Variants in BBX observed in about 807,000 individuals in gnomAD.
BBX encodes BBX high mobility group box domain containing, also known as HMG box transcription factor BBX.
Under a neutral mutation model 100.2 loss-of-function variants are expected in BBX, and 30 were observed. The ratio of observed to expected loss-of-function variants is 0.30; its 90% CI spans 0.22 to 0.41. The LOEUF (loss-of-function observed/expected upper bound fraction) is 0.41, where lower values mean the gene tolerates loss of function less well. Among genes scored for constraint, BBX ranks in the 10% least tolerant of loss-of-function variants. The pLI, the probability that BBX is intolerant of heterozygous loss-of-function variation, is 1.00. For missense variants in BBX, 1,023 were observed against 1,129.8 expected, an observed-to-expected ratio of 0.91 and a Z score of 1.35; for synonymous variants, 376 against 388.1, an observed-to-expected ratio of 0.97 and a Z score of 0.37.
At position 107,808,769 on chromosome 3, in the gene BBX, C is replaced by T. The variant is rs897401015; in HGVS notation, c.*3312C>T. 1 of 152,196 alleles carries T rather than the reference C, an allele frequency of 6.6e-6. No homozygotes were observed. Among genetic ancestry groups the T allele is most frequent in the African/African-American group, 2.4e-5 (1 of 41,448 alleles). 9.4% of individuals were successfully genotyped at this position (152,196 alleles called of 1,614,324 possible). A position where few individuals can be genotyped will look rare whatever the true frequency, so the allele number is the denominator to read the frequency against. On this transcript the variant is annotated 3_prime_UTR_variant, in exon 18 of 18. Transcript: ENST00000325805. ...GATCAAAACTGTTAATTCATTAAAA[C>T]CCCTTTTAAAAGGTAAATTCTACTG... is the stretch of plus-strand genomic sequence containing the variant.
At chr3:107,793,840 G>A (rs1438125878) in intron 15 of BBX, among the ~76,000 whole-genome samples, 4 of 151,926 alleles carry the variant, frequency 2.6e-5, no homozygotes, top group African/African-American at 9.7e-5. Context: ...CTGTGTACAG[G>A]CACCTTGCAA....
At position 107,778,385 on chromosome 3, in the gene BBX, A is replaced by G; in HGVS notation, c.2069A>G (p.Asp690Gly). ...EDCLLGSAKL[D>G]EEFEKKFNSL... ...CCTTTTAATAGCTCCGCAAAGCTGG[A>G]TGAAGAATTTGAAAAAAAATTCAAC... Residue 690 changes from aspartate to glycine, a missense_variant, in exon 13 of 18, where the codon GAT becomes GGT. Around this residue, in one of 9 missense-constraint regions of BBX, gnomAD observed 215 missense variants for 211.3 expected, o/e 1.02. Coordinates refer to ENST00000325805, the MANE Select transcript of BBX (RefSeq NM_001142568.3). 1 of 1,613,288 alleles carries G rather than the reference A, an allele frequency of 6.2e-7. No homozygotes were observed. Among genetic ancestry groups the G allele is most frequent in the Non-Finnish European group, 8.5e-7 (1 of 1,179,480 alleles).
intron 2 of BBX, among the ~76,000 whole-genome samples, chr3:107,581,625 C>T (rs1170857254): frequency 1.3e-5 from 2 of 151,996 alleles, no homozygotes; most frequent in Non-Finnish European, 2.9e-5. Flanking sequence ...GTGCTGTGGG[C>T]ATCAGCTGAT....
At chr3:107,583,044 A>G (rs2052403033) in intron 2 of BBX, among the ~76,000 whole-genome samples, 2 of 151,740 alleles carry the variant, frequency 1.3e-5, no homozygotes, top group South Asian at 2.1e-4. Context: ...GCCTCATTAC[A>G]TAATTTGCTA....
chr3:107,740,107 G>A (rs1352991333), intron 7 of BBX, among the ~76,000 whole-genome samples: 1 of 151,942 alleles, frequency 6.6e-6, no homozygotes, highest in Non-Finnish European at 1.5e-5. Context: ...ATGTGGTGCT[G>A]TTGGGTTATG....
chr3:107,767,431 A>G (rs2066484195), intron 10 of BBX, among the ~76,000 whole-genome samples: 1 of 152,182 alleles, frequency 6.6e-6, no homozygotes, highest in Admixed American at 6.5e-5. Flanking sequence ...GTCTTAGTAT[A>G]TTAATTTAGG....
At chr3:107,727,978 A>C (rs1309935101) in intron 5 of BBX, among the ~76,000 whole-genome samples, 1 of 152,202 alleles carries the variant, frequency 6.6e-6, no homozygotes, top group Non-Finnish European at 1.5e-5. Context: ...GTTTCACGTT[A>C]TTGTCATGCA....
chr3:107,649,183 C>T (rs1243132472), intron 3 of BBX, among the ~76,000 whole-genome samples: 2 of 152,290 alleles, frequency 1.3e-5, no homozygotes, highest in Admixed American at 6.5e-5. Context: ...TGGAAGCAAA[C>T]CCACCCCCAT....
At chr3:107,687,449 G>C (rs1429290590) in intron 3 of BBX, among the ~76,000 whole-genome samples, 1 of 151,892 alleles carries the variant, frequency 6.6e-6, no homozygotes, top group African/African-American at 2.4e-5. Flanking sequence ...CTTATAGACA[G>C]AGAAGCGGGG....
chr3:107,747,158 A>G lies in BBX; in HGVS notation c.751-807A>G, dbSNP rs1006787427. Reference sequence around the variant, plus strand: ...GCTACCATAATTGCCAACTGGAAACAAAAGGTCCCCTAGTTGAATCAAGTG... The same window carrying G: ...GCTACCATAATTGCCAACTGGAAACGAAAGGTCCCCTAGTTGAATCAAGTG... On this transcript the variant is annotated intron_variant, in intron 8 of 17. Coordinates refer to ENST00000325805, the MANE Select transcript of BBX (RefSeq NM_001142568.3). Among the ~76,000 whole-genome samples, 4 of 152,316 alleles carry G rather than the reference A, an allele frequency of 2.6e-5. No homozygotes were observed. In the East Asian group the frequency reaches 5.8e-4, roughly 22 times the overall value.
At chr3:107,646,603 C>T (rs192307049) in intron 3 of BBX, among the ~76,000 whole-genome samples, 464 of 151,908 alleles carry the variant, frequency 3.1e-3, no homozygotes, top group Non-Finnish European at 5.5e-3. Context: ...TAGAGTTTTC[C>T]CAATCTGGGA....
intron 3 of BBX, among the ~76,000 whole-genome samples, chr3:107,673,123 A>G (rs902269356): frequency 6.6e-6 from 1 of 152,072 alleles, no homozygotes; most frequent in Non-Finnish European, 1.5e-5. Context: ...GTAGGAGTCC[A>G]AAATGAATAG....
chr3:107,552,604 AC>A (rs2107435689), intron 2 of BBX, among the ~76,000 whole-genome samples: 1 of 152,294 alleles, frequency 6.6e-6, no homozygotes, highest in African/African-American at 2.4e-5. Flanking sequence ...TTCCATTGTT[AC>A]AGATAGAAAA....
At chr3:107,577,907 A>G (rs1350443915) in intron 2 of BBX, among the ~76,000 whole-genome samples, 1 of 152,208 alleles carries the variant, frequency 6.6e-6, no homozygotes, top group Non-Finnish European at 1.5e-5. Context: ...TCTTATCTCA[A>G]GAAAGTAAGG....
intron 3 of BBX, among the ~76,000 whole-genome samples, chr3:107,660,482 C>T (rs1485814948): frequency 2.5e-5 from 3 of 121,230 alleles, no homozygotes; most frequent in African/African-American, 9.5e-5. Context: ...TTTTTTAAAT[C>T]GTAAGTATTG....
intron 2 of BBX, among the ~76,000 whole-genome samples, chr3:107,636,536 G>A (rs895048896): frequency 1.3e-5 from 2 of 152,100 alleles, no homozygotes; most frequent in Non-Finnish European, 2.9e-5. Context: ...ATACTTATTA[G>A]CAGTATTAAG....
chr3:107,748,718 G>A (rs1007793416), intron 9 of BBX, among the ~76,000 whole-genome samples: 6 of 152,082 alleles, frequency 3.9e-5, no homozygotes, highest in South Asian at 2.1e-4. Context: ...ATAATAAAAC[G>A]TATACAGTTT....
Position 107,805,481 on chromosome 3 carries a change from T to G in BBX, c.*24T>G. 6.2e-7 allele frequency: 1 copy of G among 1,614,100 alleles called. No individual in the cohort carries two copies. Among genetic ancestry groups the G allele is most frequent in the East Asian group, 2.2e-5 (1 of 44,886 alleles). On this transcript the variant is annotated 3_prime_UTR_variant, in exon 18 of 18. Coordinates refer to ENST00000325805, the MANE Select transcript of BBX (RefSeq NM_001142568.3). ...GAAGCGCCCTTTCATTGTAAAACAT[T>G]GTGCTTTACCTACTACCCTAGCCTT...
chr3:107,703,069 T>A (rs1372835506), intron 3 of BBX, among the ~76,000 whole-genome samples: 2 of 152,210 alleles, frequency 1.3e-5, no homozygotes, highest in Non-Finnish European at 2.9e-5. Context: ...CATGAGCTAA[T>A]CTTCTTGTGT....
Sources: gnomAD v4.1 joint callset for allele counts (sites outside exome capture counted in the v4.1 genomes callset) on GRCh38, gnomAD v4.1.1 for gene constraint, gnomAD v4.1.1 regional missense constraint, MANE v1.5 for transcripts, NCBI Gene and HGNC (gene_info 2026-07-23, HGNC 2026-07-21) for gene names.